TECRL: variants seen among roughly 807,000 people sequenced by gnomAD.
TECRL encodes trans-2,3-enoyl-CoA reductase like.
Under a neutral mutation model 52.8 loss-of-function variants are expected in TECRL, and 63 were observed. The ratio of observed to expected loss-of-function variants is 1.19; its 90% CI spans 0.97 to 1.47. The LOEUF (loss-of-function observed/expected upper bound fraction) is 1.47, where lower values mean the gene tolerates loss of function less well. Ranked by LOEUF, TECRL falls within the 40% of genes most tolerant of loss-of-function variation. The probability of loss-of-function intolerance (pLI) is 0.00; values close to 1 mark genes in which losing one functional copy is unlikely to be tolerated. For missense variants in TECRL, 482 were observed against 429.6 expected (o/e 1.12, Z -1.08); for synonymous variants, 164 against 141.9 (o/e 1.16, Z -1.10).
At chr4:64,353,371 A>G (rs1407106032) in intron 2 of TECRL, among the ~76,000 whole-genome samples, 2 of 152,194 alleles carry the variant, frequency 1.3e-5, no homozygotes, top group Admixed American at 6.5e-5. Context: ...ATACATGAAT[A>G]AGGCATCCAA....
chr4:64,318,136 A>C (rs10020376), intron 4 of TECRL, among the ~76,000 whole-genome samples: 36,736 of 152,066 alleles, frequency 0.24, 4,675 homozygotes, highest in East Asian at 0.31. Flanking sequence ...CTATCATTAA[A>C]ATTTTTCACA....
intron 2 of TECRL, among the ~76,000 whole-genome samples, chr4:64,338,220 G>C (rs1044135240): frequency 5.3e-5 from 8 of 152,084 alleles, no homozygotes; most frequent in Non-Finnish European, 1.0e-4. Flanking sequence ...GGGAAAACTG[G>C]CTAGCCATAT....
At chr4:64,341,583 CGA>C (rs1256301042) in intron 2 of TECRL, among the ~76,000 whole-genome samples, 4 of 151,784 alleles carry the variant, frequency 2.6e-5, no homozygotes, top group Non-Finnish European at 4.4e-5. Flanking sequence ...CCAGCCTGGG[CGA>C]CAAGAGTAAA....
In TECRL at chr4:64,279,016, A is replaced by C. The variant is rs535782307; in HGVS notation, c.*1056T>G. ...TTTATCCATTCATCTGTTGTTGGAC[A>C]CCTAGGTTGCTCCTATATCTTGGCT... On this transcript the variant is annotated 3_prime_UTR_variant, in exon 12 of 12. Transcript: ENST00000381210. 4 of 152,826 alleles carry C rather than the reference A, an allele frequency of 2.6e-5. No individual in the cohort carries two copies. The highest frequency in any genetic ancestry group is 9.6e-5 in the African/African-American group (4 of 41,560). 9.5% of individuals were successfully genotyped at this position (152,826 alleles called of 1,614,324 possible).
intron 2 of TECRL, among the ~76,000 whole-genome samples, chr4:64,370,726 G>T (rs1721917764): frequency 6.6e-6 from 1 of 151,498 alleles, no homozygotes; most frequent in Admixed American, 6.6e-5. Flanking sequence ...ACCCTAAAAA[G>T]TATTTACTAC....
intron 7 of TECRL, among the ~76,000 whole-genome samples, chr4:64,304,289 G>A (rs1476721559): frequency 6.6e-6 from 1 of 151,852 alleles, no homozygotes; most frequent in Admixed American, 6.6e-5. Flanking sequence ...TTAATTGTTA[G>A]TATTAAGACC....
At chr4:64,312,047 G>T (rs1182908914) in intron 5 of TECRL, among the ~76,000 whole-genome samples, 1 of 152,140 alleles carries the variant, frequency 6.6e-6, no homozygotes, top group Non-Finnish European at 1.5e-5. Flanking sequence ...TCCTATGGGA[G>T]ATGTACCTTT....
intron 5 of TECRL, 104 bp from the exon 6 acceptor site, chr4:64,310,035 G>A (rs1724579258): frequency 5.0e-6 from 3 of 600,434 alleles, no homozygotes; most frequent in Non-Finnish European, 8.6e-6. Flanking sequence ...CTAGCTATTG[G>A]GAAACATTGT....
intron 2 of TECRL, among the ~76,000 whole-genome samples, chr4:64,338,413 A>G (rs571325106): frequency 6.6e-6 from 1 of 152,352 alleles, no homozygotes; most frequent in Non-Finnish European, 1.5e-5. Flanking sequence ...AATGGCAACA[A>G]AAGCCAAAAT....
chr4:64,362,111 T>C (rs12507430), intron 2 of TECRL, among the ~76,000 whole-genome samples: 136,475 of 151,886 alleles, frequency 0.9, 61,976 homozygotes, highest in East Asian at 1. Context: ...TCTCGGAGCT[T>C]GAAGACTGCT....
intron 8 of TECRL, 28 bp downstream of exon 8, chr4:64,299,945 GA>G: frequency 1.4e-6 from 2 of 1,445,896 alleles, no homozygotes; most frequent in Non-Finnish European, 1.9e-6. Context: ...ATTAGAGCGT[GA>G]ATAGCAAAAT....
Position 64,299,982 on chromosome 4 carries a change from T to G in TECRL, c.766A>C (p.Asn256His). Reference protein sequence around the residue: ...GNRQITVSAINFLICEAGNHF... With the variant: ...GNRQITVSAIHFLICEAGNHF... ...ATATATATGATACATACCAGAAAATTGATAGCAGATACTGTGATTTGCCTG... is the reference window on the plus strand; with the variant it reads ...ATATATATGATACATACCAGAAAATGGATAGCAGATACTGTGATTTGCCTG... Residue 256 changes from asparagine to histidine, a missense_variant, in exon 8 of 12, where the codon AAT becomes CAT. Asn to His is a moderately conservative substitution (Grantham distance 68). Transcript: ENST00000381210. The G allele has an allele frequency of 6.3e-7, 1 of 1,577,712 alleles. No individual in the cohort carries two copies. Among genetic ancestry groups the G allele is most frequent in the Non-Finnish European group, 8.6e-7 (1 of 1,158,832 alleles).
Position 64,349,380 on chromosome 4 carries a change from C to T in TECRL, c.287-20824G>A, listed in dbSNP as rs778002361. Among the ~76,000 whole-genome samples the T allele has an allele frequency of 2.6e-5, 4 of 152,112 alleles. 1 individual carries two copies. The highest frequency in any genetic ancestry group is 4.2e-4 in the South Asian group (2 of 4,812). ...ACTCCTGACTTCGTGATCTACCCAC[C>T]GCGGCCTCCCAAAGTGCTAGGATTA... On this transcript the variant is annotated intron_variant, in intron 2 of 11. Transcript: ENST00000381210.
At position 64,360,352 on chromosome 4, in the gene TECRL, TC is replaced by T; in HGVS notation, c.286+14819del. ...TAATAATTTCTTCAGAATTACTTTTTCTAAGATTTGACAATTCTTTTCATTA... is the reference window on the plus strand; with the variant it reads ...TAATAATTTCTTCAGAATTACTTTTTTAAGATTTGACAATTCTTTTCATTA... On this transcript the variant is annotated intron_variant, in intron 2 of 11. Transcript: ENST00000381210. Among the ~76,000 whole-genome samples the T allele has an allele frequency of 2.6e-5, 4 of 152,318 alleles. No individual in the cohort carries two copies. The South Asian group carries it at 8.3e-4, about 32-fold the overall frequency.
chr4:64,309,981 C>A (rs1037300551), intron 5 of TECRL, 50 bp from the exon 6 acceptor site: 2 of 1,228,192 alleles, frequency 1.6e-6, no homozygotes, highest in Non-Finnish European at 2.3e-6. Context: ...GAAGTTCTGG[C>A]TTGCCTCATG....
intron 2 of TECRL, among the ~76,000 whole-genome samples, chr4:64,343,195 A>C (rs960214387): frequency 2.6e-5 from 4 of 152,154 alleles, no homozygotes. Context: ...AAGACAGAGC[A>C]CCTGGCCAAA....
intron 6 of TECRL, among the ~76,000 whole-genome samples, chr4:64,308,263 A>T (rs557360520): frequency 6.6e-6 from 1 of 152,264 alleles, no homozygotes; most frequent in East Asian, 1.9e-4. Context: ...TTATACCAAG[A>T]TGCTTACTCA....
At chr4:64,304,222 T>G (rs1724193018) in intron 7 of TECRL, among the ~76,000 whole-genome samples, 1 of 151,942 alleles carries the variant, frequency 6.6e-6, no homozygotes, top group South Asian at 2.1e-4. Context: ...AAGTACATCT[T>G]ATAAAATATT....
chr4:64,361,837 T>A (rs893204024), intron 2 of TECRL, among the ~76,000 whole-genome samples: 2 of 152,056 alleles, frequency 1.3e-5, no homozygotes, highest in Non-Finnish European at 2.9e-5. Flanking sequence ...CTGCACTAAC[T>A]CCCCAGCAAT....
Sources: gnomAD v4.1 joint callset for allele counts (sites outside exome capture counted in the v4.1 genomes callset) on GRCh38, gnomAD v4.1.1 for gene constraint, MANE v1.5 for transcripts, NCBI Gene and HGNC (gene_info 2026-07-23, HGNC 2026-07-21) for gene names.